CNTNAP5: variants seen among roughly 807,000 people sequenced by gnomAD.
CNTNAP5 encodes contactin-associated protein-like 5.
Under a neutral mutation model 150.2 loss-of-function variants are expected in CNTNAP5, and 72 were observed. The observed-to-expected ratio is 0.48, with a 90% CI of 0.40 to 0.58. The LOEUF (loss-of-function observed/expected upper bound fraction) is 0.58. Among genes scored for constraint, CNTNAP5 ranks in the 20% least tolerant of loss-of-function variants. The pLI is 0.00. For missense variants in CNTNAP5, 1,636 were observed against 1,626.2 expected (o/e 1.01, Z -0.10); for synonymous variants, 672 against 619.8 (o/e 1.08, Z -1.25).
chr2:124,437,352 TC>T (rs2104797327), intron 5 of CNTNAP5, among the ~76,000 whole-genome samples: 1 of 152,274 alleles, frequency 6.6e-6, no homozygotes, highest in African/African-American at 2.4e-5. Flanking sequence ...TCCAGTCCGA[TC>T]CTCAAGGAAG....
intron 10 of CNTNAP5, among the ~76,000 whole-genome samples, chr2:124,539,008 C>T (rs561751316): frequency 2.0e-5 from 3 of 152,270 alleles, no homozygotes; most frequent in African/African-American, 7.2e-5. Flanking sequence ...CTCATGGGGC[C>T]CTTGAGGCGA....
intron 1 of CNTNAP5, among the ~76,000 whole-genome samples, chr2:124,215,546 G>C (rs891410): frequency 0.16 from 24,675 of 151,848 alleles, 2,318 homozygotes; most frequent in East Asian, 0.35. Context: ...TTGGAAATAT[G>C]AAACAAAATG....
intron 13 of CNTNAP5, among the ~76,000 whole-genome samples, chr2:124,664,325 GAA>G (rs34108388): frequency 0.28 from 30,047 of 105,930 alleles, 3,026 homozygotes; most frequent in African/African-American, 0.37. Flanking sequence ...CCTGTCTCAA[GAA>G]AAAAAAAAAA....
At chr2:124,601,548 A>C (rs1696983629) in intron 11 of CNTNAP5, among the ~76,000 whole-genome samples, 1 of 152,222 alleles carries the variant, frequency 6.6e-6, no homozygotes, top group African/African-American at 2.4e-5. Flanking sequence ...TAACCAAACA[A>C]GCACAGCTTA....
intron 13 of CNTNAP5, among the ~76,000 whole-genome samples, chr2:124,733,796 G>A (rs1680324733): frequency 6.6e-6 from 1 of 152,196 alleles, no homozygotes; most frequent in Non-Finnish European, 1.5e-5. Flanking sequence ...GTAGATTGCA[G>A]TGATGTGCAG....
At chr2:124,241,788 G>A (rs1292939400) in intron 2 of CNTNAP5, among the ~76,000 whole-genome samples, 4 of 152,138 alleles carry the variant, frequency 2.6e-5, no homozygotes, top group African/African-American at 9.7e-5. Flanking sequence ...AAACAAGGAA[G>A]AGAAGGAAGA....
chr2:124,059,661 C>A (rs1432591802), intron 1 of CNTNAP5, among the ~76,000 whole-genome samples: 1 of 151,878 alleles, frequency 6.6e-6, no homozygotes, highest in Non-Finnish European at 1.5e-5. Flanking sequence ...ACTTGTTTTT[C>A]ATAGGGCTGT....
At chr2:124,856,108 G>A (rs891267749) in intron 19 of CNTNAP5, among the ~76,000 whole-genome samples, 2 of 145,956 alleles carry the variant, frequency 1.4e-5, no homozygotes, top group African/African-American at 5.4e-5. Flanking sequence ...GTGTGTGTGT[G>A]TGTGTATAAA....
At chr2:124,626,174 G>C (rs1444380606) in intron 12 of CNTNAP5, among the ~76,000 whole-genome samples, 2 of 152,100 alleles carry the variant, frequency 1.3e-5, no homozygotes, top group African/African-American at 4.8e-5. Context: ...AGTCAAGGAA[G>C]CATTATGGGA....
At chr2:124,201,886 T>C (rs930782072) in intron 1 of CNTNAP5, among the ~76,000 whole-genome samples, 2 of 152,208 alleles carry the variant, frequency 1.3e-5, no homozygotes, top group African/African-American at 4.8e-5. Context: ...TTCATCTTAG[T>C]ATCAACATTG....
intron 1 of CNTNAP5, among the ~76,000 whole-genome samples, chr2:124,137,815 C>T (rs771601581): frequency 6.0e-5 from 9 of 150,794 alleles, no homozygotes; most frequent in Non-Finnish European, 1.3e-4. Flanking sequence ...GAGATAGTAG[C>T]ATGCAGAGGG....
rs149369720 is a variant in CNTNAP5 at position 124,793,268 on chromosome 2, C to T, written c.2992+3127C>T. 3.9e-4 allele frequency among the ~76,000 whole-genome samples: 59 copies of T among 152,312 alleles called. 1 individual carries two copies. The South Asian group carries it at 5.2e-3, about 13-fold the overall frequency. ...GCTATCGCATTGTGGTTTTGACTTG[C>T]ATTCCCTAATGACTAATGATATTGG... On this transcript the variant is annotated intron_variant, in intron 18 of 23. Transcript: ENST00000682447.
chr2:124,619,861 A>G (rs1460162918), intron 12 of CNTNAP5, among the ~76,000 whole-genome samples: 1 of 108,164 alleles, frequency 9.2e-6, no homozygotes, highest in East Asian at 2.3e-4. Flanking sequence ...ATATATATAT[A>G]TATATATATA....
chr2:124,369,631 A>G (rs746522304), intron 3 of CNTNAP5, among the ~76,000 whole-genome samples: 8 of 152,202 alleles, frequency 5.3e-5, no homozygotes, highest in Non-Finnish European at 8.8e-5. Context: ...ATAAGCATCA[A>G]ATGACACAAT....
At chr2:124,588,200 CTTTCTTTCTT>C (rs1387526787) in intron 11 of CNTNAP5, among the ~76,000 whole-genome samples, 1 of 130,250 alleles carries the variant, frequency 7.7e-6, no homozygotes, top group Non-Finnish European at 1.6e-5. Flanking sequence ...TTCTTTCTTT[CTTTCTTTCTT>C]TCTTTCTTTC....
chr2:124,613,072 A>T (rs1677419591), intron 12 of CNTNAP5, among the ~76,000 whole-genome samples: 1 of 152,194 alleles, frequency 6.6e-6, no homozygotes. Flanking sequence ...ATAAACAAAT[A>T]AAAATAAAAT....
chr2:124,706,894 G>A (rs1470668680), intron 13 of CNTNAP5, among the ~76,000 whole-genome samples: 3 of 95,238 alleles, frequency 3.1e-5, no homozygotes, highest in African/African-American at 8.8e-5. Context: ...AGAGGAAGAG[G>A]AAGAAGAAGG....
chr2:124,388,618 G>A (rs1409369357), intron 3 of CNTNAP5, among the ~76,000 whole-genome samples: 6 of 152,148 alleles, frequency 3.9e-5, no homozygotes, highest in Non-Finnish European at 5.9e-5. Flanking sequence ...ATAATCGTGC[G>A]TTCACTTGTG....
chr2:124,445,049 C>T (rs1462840521), intron 5 of CNTNAP5, among the ~76,000 whole-genome samples: 1 of 151,528 alleles, frequency 6.6e-6, no homozygotes, highest in Admixed American at 6.6e-5. Flanking sequence ...TTACTTGTCA[C>T]TGTGACCAGC....
Sources: allele counts gnomAD v4.1 joint callset (sites outside exome capture counted in the v4.1 genomes callset), GRCh38; gene constraint gnomAD v4.1.1; transcripts MANE v1.5; gene names NCBI Gene and HGNC (gene_info 2026-07-23, HGNC 2026-07-21).